WWC2: variants seen among roughly 807,000 people sequenced by gnomAD.
WWC2 encodes protein WWC2.
Under a neutral mutation model 138.5 loss-of-function variants are expected in WWC2, and 101 were observed. The ratio of observed to expected loss-of-function variants is 0.73; its 90% CI spans 0.62 to 0.86. The LOEUF (loss-of-function observed/expected upper bound fraction) is 0.86, where lower values mean the gene tolerates loss of function less well. Among genes scored for constraint, WWC2 ranks in the 40% least tolerant of loss-of-function variants. WWC2 has a pLI of 0.00. For synonymous variants in WWC2, 558 were observed against 538.4 expected, an observed-to-expected ratio of 1.04 and a Z score of -0.50; for missense variants, 1,420 against 1,419.4, an observed-to-expected ratio of 1.00 and a Z score of -0.01.
chr4:183,163,404 A>G (rs1580001836), intron 1 of WWC2, among the ~76,000 whole-genome samples: 1 of 152,220 alleles, frequency 6.6e-6, no homozygotes, highest in Admixed American at 6.5e-5. Flanking sequence ...CCATAGCCAC[A>G]GGGGATAGTA....
chr4:183,118,602 C>T (rs1732500243), intron 1 of WWC2, among the ~76,000 whole-genome samples: 2 of 152,134 alleles, frequency 1.3e-5, no homozygotes, highest in African/African-American at 2.4e-5. Flanking sequence ...TGGACAAATA[C>T]ATGAATCTTA....
At chr4:183,212,874 C>T (rs764152064) in intron 4 of WWC2, among the ~76,000 whole-genome samples, 6 of 152,012 alleles carry the variant, frequency 3.9e-5, no homozygotes, top group Admixed American at 2.0e-4. Context: ...TTAGTTCGCT[C>T]TTAATATCAG....
intron 4 of WWC2, among the ~76,000 whole-genome samples, chr4:183,227,608 GAAAC>G (rs1199020731): frequency 2.6e-5 from 4 of 151,978 alleles, no homozygotes; most frequent in African/African-American, 7.3e-5. Flanking sequence ...AGAAAATACG[GAAAC>G]AAACTAAGTA....
chr4:183,129,675 G>C (rs1239425801), intron 1 of WWC2, among the ~76,000 whole-genome samples: 1 of 152,182 alleles, frequency 6.6e-6, no homozygotes, highest in African/African-American at 2.4e-5. Flanking sequence ...GTACAGGTTA[G>C]ATGAATCGAT....
chr4:183,265,749 C>G lies in WWC2; in HGVS notation c.2101C>G (p.Gln701Glu). Residue 701 changes from glutamine to glutamate, a missense_variant, in exon 13 of 23, where the codon CAG becomes GAG. Physicochemically the swap from Gln to Glu is conservative, Grantham distance 29. Transcript: ENST00000403733. ...GGATGTAGCCATTGTAGAGACCGCCCAGGTTCAGATAGGACTCAGGTAAGG... is the reference window on the plus strand; with the variant it reads ...GGATGTAGCCATTGTAGAGACCGCCGAGGTTCAGATAGGACTCAGGTAAGG... ...EEDVAIVETA[Q>E]VQIGLRYNAK... The G allele has an allele frequency of 6.2e-7, 1 of 1,611,568 alleles. No individual in the cohort carries two copies. Among genetic ancestry groups the G allele is most frequent in the South Asian group, 1.1e-5 (1 of 90,256 alleles).
At chr4:183,109,674 A>G (rs1202607956) in intron 1 of WWC2, among the ~76,000 whole-genome samples, 1 of 152,078 alleles carries the variant, frequency 6.6e-6, no homozygotes, top group Non-Finnish European at 1.5e-5. Flanking sequence ...CTCGCACCAC[A>G]CACCTCCTTC....
intron 4 of WWC2, among the ~76,000 whole-genome samples, chr4:183,209,239 T>A (rs1263474595): frequency 2.0e-5 from 3 of 152,018 alleles, no homozygotes; most frequent in Admixed American, 6.6e-5. Flanking sequence ...TTGGGTAGTG[T>A]TTTGTTTGTT....
In WWC2 at chr4:183,315,894, A is replaced by G. The variant is rs1324996971; in HGVS notation, c.*165A>G. 4 of 564,296 alleles carry G rather than the reference A, an allele frequency of 7.1e-6. No individual in the cohort carries two copies. Among genetic ancestry groups the G allele is most frequent in the Non-Finnish European group, 1.2e-5 (4 of 320,690 alleles). The allele number at this position is 564,296 out of a possible 1,614,324, so 35.0% of individuals were successfully genotyped here. On this transcript the variant is annotated 3_prime_UTR_variant, in exon 23 of 23. Transcript: ENST00000403733. Reference sequence around the variant, plus strand: ...TCAGATTTTCAACACATTAATTTGTAAAGTACCTTGAGTGTAATTTTTATA... The same window carrying G: ...TCAGATTTTCAACACATTAATTTGTGAAGTACCTTGAGTGTAATTTTTATA...
rs1738169500 is a variant in WWC2, at chr4:183,284,223, T to TA, written c.2884-2dup. ...CCTGACAAATTGTTAACTTCTCTTA[T>TA]AGGTTGACAAAGAGACAAACACTGA... On this transcript the variant is annotated splice_region_variant and splice_polypyrimidine_tract_variant and intron_variant, in intron 18 of 22. Coordinates refer to ENST00000403733, the MANE Select transcript of WWC2 (RefSeq NM_024949.6). 1 of 1,613,090 alleles carries TA rather than the reference T, an allele frequency of 6.2e-7. No homozygotes were observed. Among genetic ancestry groups the TA allele is most frequent in the South Asian group, 1.1e-5 (1 of 91,058 alleles).
intron 1 of WWC2, among the ~76,000 whole-genome samples, chr4:183,155,132 TAGGG>T (rs1733761888): frequency 4.1e-3 from 1 of 246 alleles, no homozygotes; most frequent in Non-Finnish European, 0.021. Flanking sequence ...TAGAACTTGG[TAGGG>T]CTGTCATACT....
In WWC2 at chr4:183,247,577, A is replaced by G. The variant is rs1421381981; in HGVS notation, c.733-1137A>G. ...TGTATATACTATATATGCTCTATAT[A>G]CTATATACTATATATATGCTATATA... On this transcript the variant is annotated intron_variant, in intron 6 of 22. Coordinates refer to ENST00000403733, the MANE Select transcript of WWC2 (RefSeq NM_024949.6). Among the ~76,000 whole-genome samples the G allele has an allele frequency of 1.2e-3, 164 of 138,712 alleles. 4 individuals are homozygous for G. The highest frequency in any genetic ancestry group is 4.3e-3 in the African/African-American group (157 of 36,208). 91.0% of individuals were successfully genotyped at this position (138,712 alleles called of 152,430 possible). A position where few individuals can be genotyped will look rare whatever the true frequency, so the allele number is the denominator to read the frequency against.
rs200128539 is a variant in WWC2, at chr4:183,276,972, T to TTTATTATTATTA, written c.2563-3790_2563-3779dup. Reference sequence around the variant, plus strand: ...TTAGTTCATACAGCATCATTTCTTTTTTATTATTATTATTATTATTATTAT... The same window carrying TTTATTATTATTA: ...TTAGTTCATACAGCATCATTTCTTTTTTATTATTATTATTATTATTATTATTATTATTATTAT... On this transcript the variant is annotated intron_variant, in intron 16 of 22. Coordinates refer to ENST00000403733, the MANE Select transcript of WWC2 (RefSeq NM_024949.6). Among the ~76,000 whole-genome samples the TTTATTATTATTA allele has an allele frequency of 4.8e-3, 725 of 150,370 alleles. 3 individuals are homozygous for TTTATTATTATTA. The highest frequency in any genetic ancestry group is 0.017 in the African/African-American group (697 of 41,120).
At chr4:183,170,178 G>A (rs978382320) in intron 1 of WWC2, among the ~76,000 whole-genome samples, 1 of 152,134 alleles carries the variant, frequency 6.6e-6, no homozygotes, top group South Asian at 2.1e-4. Context: ...TTATTGTGCC[G>A]TTGGCCAGAG....
At chr4:183,188,471 T>C in intron 1 of WWC2, among the ~76,000 whole-genome samples, 1 of 151,920 alleles carries the variant, frequency 6.6e-6, no homozygotes, top group Non-Finnish European at 1.5e-5. Context: ...CTCCTGACCT[T>C]AAGTGATCTG....
intron 4 of WWC2, among the ~76,000 whole-genome samples, chr4:183,237,618 T>C (rs1736468078): frequency 6.6e-6 from 1 of 152,178 alleles, no homozygotes; most frequent in Non-Finnish European, 1.5e-5. Context: ...TCTTTGTATT[T>C]ATAAACTGGG....
intron 1 of WWC2, among the ~76,000 whole-genome samples, chr4:183,162,112 T>C (rs1733978300): frequency 6.6e-6 from 1 of 152,176 alleles, no homozygotes; most frequent in South Asian, 2.1e-4. Flanking sequence ...TTGCGACTTG[T>C]TAAGATACAG....
chr4:183,134,562 T>A (rs149818682), intron 1 of WWC2, among the ~76,000 whole-genome samples: 1,578 of 152,316 alleles, frequency 0.01, 37 homozygotes, highest in African/African-American at 0.035. Flanking sequence ...TCTGTATATA[T>A]GCATCAGATC....
rs534256153 is a variant in WWC2, at chr4:183,235,409, A to G, written c.523-4774A>G. On this transcript the variant is annotated intron_variant, in intron 4 of 22. Transcript: ENST00000403733. ...TTAACAGAATTTTTAAGTGTATAAT[A>G]TATTCAACTATAAAAACAATGTTGC... Among the ~76,000 whole-genome samples the G allele has an allele frequency of 2.6e-5, 4 of 152,360 alleles. No individual in the cohort carries two copies. In the East Asian group the frequency reaches 7.7e-4, roughly 29 times the overall value.
chr4:183,177,372 C>T (rs1734497399), intron 1 of WWC2, among the ~76,000 whole-genome samples: 1 of 152,012 alleles, frequency 6.6e-6, no homozygotes, highest in African/African-American at 2.4e-5. Context: ...AGAAAAAATT[C>T]AAATTGGTCT....
Sources: allele counts gnomAD v4.1 joint callset (sites outside exome capture counted in the v4.1 genomes callset), GRCh38; gene constraint gnomAD v4.1.1; transcripts MANE v1.5; gene names NCBI Gene and HGNC (gene_info 2026-07-23, HGNC 2026-07-21).